The following PPARGC1A variants were observed in gnomAD, a reference collection of about 807,000 sequenced individuals.
PPARGC1A encodes peroxisome proliferator-activated receptor gamma coactivator 1-alpha.
PPARGC1A carries 25 observed loss-of-function variants against 88.7 expected under a neutral mutation model. The ratio of observed to expected loss-of-function variants is 0.28; its 90% CI spans 0.21 to 0.39. The LOEUF is 0.39. PPARGC1A is among the 10% of genes least tolerant of loss of function. The pLI is 1.00. For missense variants in PPARGC1A, 880 were observed against 968.7 expected (o/e 0.91, Z 1.22); for synonymous variants, 363 against 355.6 (o/e 1.02, Z -0.24).
chr4:24,290,432 T>C, the PPARGC1A span, among the ~76,000 whole-genome samples: 1 of 152,180 alleles, frequency 6.6e-6, no homozygotes, highest in African/African-American at 2.4e-5. Context: ...AGCCTTCTGC[T>C]TTTCCTCCTG....
At chr4:23,987,635 A>T in the PPARGC1A span, among the ~76,000 whole-genome samples, 3 of 151,876 alleles carry the variant, frequency 2.0e-5, no homozygotes, top group Admixed American at 6.6e-5. Context: ...TTTCCAGAGC[A>T]TCTCATCATC....
At chr4:24,328,258 C>T in the PPARGC1A span, among the ~76,000 whole-genome samples, 5 of 147,756 alleles carry the variant, frequency 3.4e-5, no homozygotes, top group Admixed American at 2.0e-4. Flanking sequence ...GCAGCCCCCC[C>T]CCCAATCAGC....
chr4:24,241,752 T>C, the PPARGC1A span, among the ~76,000 whole-genome samples: 1 of 152,168 alleles, frequency 6.6e-6, no homozygotes, highest in Non-Finnish European at 1.5e-5. Context: ...ACTCCAAACA[T>C]CCAGATGTTT....
chr4:24,417,516 C>T, the PPARGC1A span, among the ~76,000 whole-genome samples: 2 of 152,184 alleles, frequency 1.3e-5, no homozygotes, highest in Non-Finnish European at 2.9e-5. Flanking sequence ...TATGTAAATT[C>T]CCCTATAAAA....
chr4:23,905,710 A>G (rs1347109060), upstream of PPARGC1A, among the ~76,000 whole-genome samples: 1 of 152,234 alleles, frequency 6.6e-6, no homozygotes, highest in African/African-American at 2.4e-5. Context: ...ATTATTACTA[A>G]TCTGATTCTA....
chr4:24,060,616 G>T, the PPARGC1A span, among the ~76,000 whole-genome samples: 1 of 152,222 alleles, frequency 6.6e-6, no homozygotes, highest in Non-Finnish European at 1.5e-5. Context: ...GGGGAAAGAT[G>T]TAATTTTTTT....
the PPARGC1A span, among the ~76,000 whole-genome samples, chr4:24,118,182 G>A: frequency 1.2e-3 from 189 of 152,108 alleles, 1 homozygote; most frequent in African/African-American, 3.9e-3. Flanking sequence ...CATAACGTGC[G>A]GTCAATGAGC....
At chr4:24,020,332 A>G in the PPARGC1A span, among the ~76,000 whole-genome samples, 1 of 152,072 alleles carries the variant, frequency 6.6e-6, no homozygotes. Flanking sequence ...TGGCAAGGGG[A>G]TTATATTGAT....
At position 23,794,337 on chromosome 4, in the gene PPARGC1A, T is replaced by A. The variant is rs1379483188; in HGVS notation, c.*1485A>T. 1 of 152,562 alleles carries A rather than the reference T, an allele frequency of 6.6e-6. No homozygotes were observed. Among genetic ancestry groups the A allele is most frequent in the Non-Finnish European group, 1.5e-5 (1 of 68,020 alleles). 9.5% of individuals were successfully genotyped at this position (152,562 alleles called of 1,614,324 possible). On this transcript the variant is annotated 3_prime_UTR_variant, in exon 13 of 13. Coordinates refer to ENST00000264867, the MANE Select transcript of PPARGC1A (RefSeq NM_013261.5). ...TTTCATTCCCCTAACAAATCCAGTG[T>A]ATAAAACTTCAAAGAAAAACAAGCG...
At chr4:24,320,636 CAG>C in the PPARGC1A span, among the ~76,000 whole-genome samples, 48,427 of 151,878 alleles carry the variant, frequency 0.32, 8,621 homozygotes, top group Admixed American at 0.42. Context: ...TATATAAAAA[CAG>C]AGAAATGAAT....
the PPARGC1A span, among the ~76,000 whole-genome samples, chr4:24,387,516 G>A: frequency 6.6e-6 from 1 of 152,068 alleles, no homozygotes; most frequent in Non-Finnish European, 1.5e-5. Context: ...ATGAGGTCAA[G>A]TGATCGAGAC....
At chr4:24,005,435 G>C in the PPARGC1A span, among the ~76,000 whole-genome samples, 1 of 152,130 alleles carries the variant, frequency 6.6e-6, no homozygotes, top group African/African-American at 2.4e-5. Flanking sequence ...ATAACCTTTA[G>C]TAAATTATCC....
chr4:24,444,486 T>G, the PPARGC1A span, among the ~76,000 whole-genome samples: 1 of 152,108 alleles, frequency 6.6e-6, no homozygotes, highest in Admixed American at 6.5e-5. Context: ...GGTAAAGTTG[T>G]CACAAAGAGA....
At chr4:24,450,522 T>C in the PPARGC1A span, among the ~76,000 whole-genome samples, 2 of 152,188 alleles carry the variant, frequency 1.3e-5, no homozygotes, top group Non-Finnish European at 2.9e-5. Flanking sequence ...TTTAAAGCAA[T>C]ATAGAATTCT....
the PPARGC1A span, among the ~76,000 whole-genome samples, chr4:24,101,001 G>A: frequency 6.6e-6 from 1 of 152,174 alleles, no homozygotes; most frequent in Non-Finnish European, 1.5e-5. Flanking sequence ...TCAGGGAGGA[G>A]GTGGTAAGAG....
intron 2 of PPARGC1A, among the ~76,000 whole-genome samples, chr4:23,863,426 T>C (rs1236292402): frequency 6.6e-6 from 1 of 152,174 alleles, no homozygotes; most frequent in Non-Finnish European, 1.5e-5. Context: ...TTCTCCATTG[T>C]GAAATGAGCA....
At chr4:24,185,802 C>T in the PPARGC1A span, among the ~76,000 whole-genome samples, 1 of 133,798 alleles carries the variant, frequency 7.5e-6, no homozygotes, top group African/African-American at 2.7e-5. Flanking sequence ...CCGACCCCAC[C>T]ACAGTCCCCA....
the PPARGC1A span, among the ~76,000 whole-genome samples, chr4:24,118,591 C>T: frequency 2.8e-4 from 43 of 152,234 alleles, no homozygotes; most frequent in Admixed American, 1.9e-3. Flanking sequence ...TTAGTAACCA[C>T]GTGATCTCTA....
the PPARGC1A span, among the ~76,000 whole-genome samples, chr4:23,957,549 A>G: frequency 2.6e-5 from 4 of 152,126 alleles, no homozygotes; most frequent in Non-Finnish European, 4.4e-5. Context: ...AATAGTTTTC[A>G]TCAATAGCCA....
Sources: allele counts gnomAD v4.1 joint callset (sites outside exome capture counted in the v4.1 genomes callset), GRCh38; gene constraint gnomAD v4.1.1; transcripts MANE v1.5; gene names NCBI Gene and HGNC (gene_info 2026-07-23, HGNC 2026-07-21).